The following SYNPR variants were observed in gnomAD, a reference collection of about 807,000 sequenced individuals.
SYNPR encodes synaptoporin.
In SYNPR, 23 loss-of-function variants were observed where a neutral mutation model predicts 32.9. The ratio of observed to expected loss-of-function variants is 0.70; its 90% CI spans 0.50 to 0.99. SYNPR has a LOEUF of 0.99. Among genes scored for constraint, SYNPR ranks in the 50% least tolerant of loss-of-function variants. The pLI is 0.00. For synonymous variants in SYNPR, 146 were observed against 135.9 expected, an observed-to-expected ratio of 1.07 and a Z score of -0.52; for missense variants, 318 against 349.3, an observed-to-expected ratio of 0.91 and a Z score of 0.71.
At chr3:63,327,118 G>A (rs1474247635) in intron 2 of SYNPR, among the ~76,000 whole-genome samples, 1 of 152,004 alleles carries the variant, frequency 6.6e-6, no homozygotes, top group Non-Finnish European at 1.5e-5. Context: ...AGTGCAAATT[G>A]GGAGGGGAAA....
At chr3:63,367,464 C>T (rs1412378135) in intron 2 of SYNPR, among the ~76,000 whole-genome samples, 3 of 152,018 alleles carry the variant, frequency 2.0e-5, no homozygotes, top group Admixed American at 2.0e-4. Context: ...GGCTCAAACC[C>T]TCCCAACTCA....
intron 2 of SYNPR, among the ~76,000 whole-genome samples, chr3:63,324,588 G>A (rs562184199): frequency 6.6e-6 from 1 of 152,242 alleles, no homozygotes; most frequent in Admixed American, 6.5e-5. Flanking sequence ...TGTGGTCCAG[G>A]TGAGTGGTCT....
chr3:63,561,155 C>A (rs73118752), intron 4 of SYNPR, among the ~76,000 whole-genome samples: 13,935 of 152,188 alleles, frequency 0.092, 814 homozygotes, highest in East Asian at 0.17. Context: ...AAATTTTCAT[C>A]TCAATTTATA....
At chr3:63,258,867 G>A (rs1490566162) in intron 2 of SYNPR, among the ~76,000 whole-genome samples, 3 of 151,970 alleles carry the variant, frequency 2.0e-5, no homozygotes, top group Non-Finnish European at 2.9e-5. Flanking sequence ...TCAAATAGAT[G>A]CAATAAAAAA....
chr3:63,243,297 C>G (rs913859493), intron 1 of SYNPR, among the ~76,000 whole-genome samples: 4 of 106,478 alleles, frequency 3.8e-5, no homozygotes, highest in Non-Finnish European at 9.0e-5. Context: ...ATATCAGAAA[C>G]AGGTAAAAAA....
intron 3 of SYNPR, among the ~76,000 whole-genome samples, chr3:63,512,251 T>C (rs922883242): frequency 1.3e-5 from 2 of 152,270 alleles, no homozygotes; most frequent in South Asian, 2.1e-4. Flanking sequence ...TGCCTCTTTC[T>C]GTGTGTCTGC....
intron 2 of SYNPR, among the ~76,000 whole-genome samples, chr3:63,379,439 G>A (rs564625709): frequency 4.6e-5 from 7 of 152,040 alleles, no homozygotes; most frequent in East Asian, 1.9e-4. Flanking sequence ...AAACAATTGC[G>A]GATTTGCCTT....
chr3:63,320,438 A>G (rs1250112098), intron 2 of SYNPR, among the ~76,000 whole-genome samples: 1 of 152,052 alleles, frequency 6.6e-6, no homozygotes, highest in Admixed American at 6.6e-5. Flanking sequence ...AACAAGCTGA[A>G]GAAAGCTATA....
chr3:63,399,042 G>T (rs962244656), intron 2 of SYNPR, among the ~76,000 whole-genome samples: 1 of 152,208 alleles, frequency 6.6e-6, no homozygotes, highest in Non-Finnish European at 1.5e-5. Context: ...AAAATAGGCA[G>T]AAACTAAGAC....
chr3:63,201,678 A>C, the SYNPR span, among the ~76,000 whole-genome samples: 1 of 152,032 alleles, frequency 6.6e-6, no homozygotes, highest in Non-Finnish European at 1.5e-5. Context: ...AGTCATTTAA[A>C]AAAATCTTAC....
chr3:63,403,931 T>C (rs1341722389), intron 2 of SYNPR, among the ~76,000 whole-genome samples: 2 of 152,226 alleles, frequency 1.3e-5, no homozygotes, highest in Non-Finnish European at 2.9e-5. Context: ...AACATCAGCA[T>C]TCCTATCACA....
chr3:63,611,607 C>G (rs1700198566), intron 5 of SYNPR, among the ~76,000 whole-genome samples: 1 of 152,230 alleles, frequency 6.6e-6, no homozygotes, highest in African/African-American at 2.4e-5. Flanking sequence ...CTCCATCTCT[C>G]ATCTCTCTTT....
chr3:63,411,540 G>C (rs895363242), intron 2 of SYNPR, among the ~76,000 whole-genome samples: 1 of 152,078 alleles, frequency 6.6e-6, no homozygotes, highest in East Asian at 1.9e-4. Flanking sequence ...TACACATAAC[G>C]ACCAAGTGTG....
intron 3 of SYNPR, among the ~76,000 whole-genome samples, chr3:63,520,854 A>G (rs1701899056): frequency 6.6e-6 from 1 of 152,180 alleles, no homozygotes; most frequent in African/African-American, 2.4e-5. Context: ...TTGCTGATGA[A>G]TGTAAAATTC....
intron 2 of SYNPR, among the ~76,000 whole-genome samples, chr3:63,336,871 G>C (rs2087302337): frequency 6.6e-6 from 1 of 152,050 alleles, no homozygotes; most frequent in African/African-American, 2.4e-5. Context: ...CTTGTATCCA[G>C]GATATATAAA....
intron 2 of SYNPR, among the ~76,000 whole-genome samples, chr3:63,346,205 C>T (rs1309931786): frequency 6.6e-6 from 1 of 152,128 alleles, no homozygotes; most frequent in African/African-American, 2.4e-5. Flanking sequence ...TTTAAAAGCT[C>T]TTCACTTTTT....
intron 2 of SYNPR, among the ~76,000 whole-genome samples, chr3:63,345,407 A>C (rs1450859325): frequency 6.6e-6 from 1 of 152,220 alleles, no homozygotes; most frequent in Non-Finnish European, 1.5e-5. Flanking sequence ...ATAATTTTGC[A>C]TAGTCAGTTT....
At chr3:63,456,771 C>G (rs1700490900) in intron 2 of SYNPR, among the ~76,000 whole-genome samples, 1 of 151,790 alleles carries the variant, frequency 6.6e-6, no homozygotes, top group African/African-American at 2.4e-5. Context: ...TGCCGCTTGT[C>G]CCATCCTGGT....
chr3:63,483,282 G>A (rs924579172), intron 3 of SYNPR, among the ~76,000 whole-genome samples: 1 of 152,104 alleles, frequency 6.6e-6, no homozygotes. Context: ...TATGTCCTAG[G>A]CAGAAGTTTT....
Sources: allele counts gnomAD v4.1 joint callset (sites outside exome capture counted in the v4.1 genomes callset), GRCh38; gene constraint gnomAD v4.1.1; transcripts MANE v1.5; gene names NCBI Gene and HGNC (gene_info 2026-07-23, HGNC 2026-07-21).